DNAJC5B: variants seen among roughly 807,000 people sequenced by gnomAD.
The protein encoded by DNAJC5B is DnaJ heat shock protein family (Hsp40) member C5 beta, also known as dnaJ homolog subfamily C member 5B.
Under a neutral mutation model 24.7 loss-of-function variants are expected in DNAJC5B, and 23 were observed. The observed-to-expected ratio is 0.93, with a 90% confidence interval of 0.67 to 1.32. The LOEUF (loss-of-function observed/expected upper bound fraction) is 1.32. Ranked by LOEUF, DNAJC5B falls within the 40% of genes most tolerant of loss-of-function variation. The pLI is 0.00. For synonymous variants in DNAJC5B, 101 were observed against 90.1 expected, an observed-to-expected ratio of 1.12 and a Z score of -0.68; for missense variants, 238 against 240.8, an observed-to-expected ratio of 0.99 and a Z score of 0.08.
intron 1 of DNAJC5B, among the ~76,000 whole-genome samples, chr8:66,026,957 T>C (rs1271981588): frequency 6.6e-6 from 1 of 152,204 alleles, no homozygotes; most frequent in Non-Finnish European, 1.5e-5. Context: ...TATAAATATA[T>C]GGGGTACAAG....
chr8:66,065,190 C>A (rs770825039), intron 3 of DNAJC5B, among the ~76,000 whole-genome samples: 1 of 152,240 alleles, frequency 6.6e-6, no homozygotes, highest in South Asian at 2.1e-4. Context: ...TCATCATCTA[C>A]GGTTCGTGTT....
intron 3 of DNAJC5B, among the ~76,000 whole-genome samples, chr8:66,067,395 G>A (rs1292721612): frequency 6.6e-6 from 1 of 152,080 alleles, no homozygotes; most frequent in Non-Finnish European, 1.5e-5. Context: ...ATTCTGAAGT[G>A]CTGTAATCCA....
chr8:66,029,924 A>G (rs1806324643), intron 1 of DNAJC5B, among the ~76,000 whole-genome samples: 1 of 152,288 alleles, frequency 6.6e-6, no homozygotes, highest in Middle Eastern at 3.4e-3. Context: ...AGACACTTCC[A>G]GTTGATATGG....
chr8:66,065,291 A>C (rs1474545935), intron 3 of DNAJC5B, among the ~76,000 whole-genome samples: 1 of 152,272 alleles, frequency 6.6e-6, no homozygotes, highest in African/African-American at 2.4e-5. Flanking sequence ...TGAGTTGCTC[A>C]GATATTCCAT....
chr8:66,097,462 A>T (rs980117409), intron 5 of DNAJC5B, among the ~76,000 whole-genome samples: 1 of 151,888 alleles, frequency 6.6e-6, no homozygotes, highest in African/African-American at 2.4e-5. Flanking sequence ...GATTTTTCTC[A>T]ATTTTAAGCC....
At chr8:66,078,701 T>G (rs187304660) in intron 4 of DNAJC5B, among the ~76,000 whole-genome samples, 1 of 152,164 alleles carries the variant, frequency 6.6e-6, no homozygotes, top group East Asian at 1.9e-4. Context: ...GTTGTAGTTG[T>G]TTACAGAGTA....
chr8:66,036,831 G>T (rs1806496183), intron 1 of DNAJC5B, among the ~76,000 whole-genome samples: 1 of 152,200 alleles, frequency 6.6e-6, no homozygotes. Flanking sequence ...TTCTAAGAAA[G>T]TTGCAGAAGA....
chr8:66,067,414 G>T (rs753462087), intron 3 of DNAJC5B, among the ~76,000 whole-genome samples: 9 of 151,944 alleles, frequency 5.9e-5, no homozygotes, highest in Non-Finnish European at 8.8e-5. Context: ...CAGGAGAAAG[G>T]GTAAATTAGA....
intron 3 of DNAJC5B, among the ~76,000 whole-genome samples, chr8:66,058,899 C>CA (rs1563598229): frequency 6.6e-6 from 1 of 151,494 alleles, no homozygotes; most frequent in East Asian, 1.9e-4. Context: ...GAAATGAGAT[C>CA]TTTTTTTTTC....
At chr8:66,017,004 T>C (rs1805971138), upstream of DNAJC5B, among the ~76,000 whole-genome samples, 1 of 152,020 alleles carries the variant, frequency 6.6e-6, no homozygotes, top group Non-Finnish European at 1.5e-5. Flanking sequence ...TTTTTTTTTT[T>C]AGTTTCTAAA....
At chr8:66,024,404 C>CT (rs989285742) in intron 1 of DNAJC5B, among the ~76,000 whole-genome samples, 27,361 of 109,142 alleles carry the variant, frequency 0.25, 4,005 homozygotes, top group African/African-American at 0.46. Context: ...TTTCAGGATT[C>CT]TTTTTTTTTT....
chr8:66,021,879 T>C (rs918579281), intron 1 of DNAJC5B, among the ~76,000 whole-genome samples, 174 bp downstream of exon 1: 2 of 152,222 alleles, frequency 1.3e-5, no homozygotes, highest in African/African-American at 4.8e-5. Flanking sequence ...GAGGCTGTAG[T>C]CCACTTGTGC....
chr8:66,082,286 C>A (rs1807613226), intron 5 of DNAJC5B, among the ~76,000 whole-genome samples: 1 of 151,812 alleles, frequency 6.6e-6, no homozygotes, highest in South Asian at 2.1e-4. Flanking sequence ...GTGGGAAAAC[C>A]AAACCTAGGT....
intron 5 of DNAJC5B, among the ~76,000 whole-genome samples, chr8:66,093,428 C>T (rs1006997969): frequency 2.0e-5 from 3 of 152,136 alleles, no homozygotes; most frequent in African/African-American, 7.2e-5. Flanking sequence ...AAATGTGTGA[C>T]AATCTAGTAG....
chr8:66,046,757 G>C (rs993123560), intron 2 of DNAJC5B, among the ~76,000 whole-genome samples: 1 of 152,204 alleles, frequency 6.6e-6, no homozygotes, highest in Non-Finnish European at 1.5e-5. Context: ...TGAACTTACC[G>C]TGGTCAAAAC....
chr8:66,085,465 C>T (rs186282502), intron 5 of DNAJC5B, among the ~76,000 whole-genome samples: 1 of 151,462 alleles, frequency 6.6e-6, no homozygotes, highest in African/African-American at 2.4e-5. Context: ...AAAATAAATC[C>T]GGGAGGCTGA....
intron 3 of DNAJC5B, among the ~76,000 whole-genome samples, chr8:66,067,911 G>C (rs891171509): frequency 4.6e-5 from 7 of 152,172 alleles, no homozygotes; most frequent in African/African-American, 1.7e-4. Context: ...GTTCTTTTAA[G>C]TTCCTAAACT....
intron 5 of DNAJC5B, among the ~76,000 whole-genome samples, chr8:66,093,950 T>C (rs1209250353): frequency 6.6e-6 from 1 of 152,164 alleles, no homozygotes; most frequent in African/African-American, 2.4e-5. Context: ...AGAAAACAAA[T>C]TGTTTCAGCA....
intron 1 of DNAJC5B, among the ~76,000 whole-genome samples, chr8:66,031,201 AT>A (rs1380278801): frequency 6.6e-6 from 1 of 152,254 alleles, no homozygotes; most frequent in Non-Finnish European, 1.5e-5. Flanking sequence ...ATCAATATAA[AT>A]TTAAAAATGT....
Sources: gnomAD v4.1 joint callset for allele counts (sites outside exome capture counted in the v4.1 genomes callset) on GRCh38, gnomAD v4.1.1 for gene constraint, MANE v1.5 for transcripts, NCBI Gene and HGNC (gene_info 2026-07-23, HGNC 2026-07-21) for gene names.